Variants in SRPK2 observed in about 807,000 individuals in gnomAD.
SRPK2 encodes SRSF protein kinase 2.
A neutral mutation model predicts 90.8 loss-of-function variants in SRPK2; 21 were observed. The observed-to-expected ratio is 0.23, with a 90% confidence interval of 0.16 to 0.33. SRPK2 has a LOEUF of 0.33. SRPK2 is among the 10% of genes least tolerant of loss of function. The probability of loss-of-function intolerance (pLI) is 1.00; values close to 1 mark genes in which losing one functional copy is unlikely to be tolerated. For synonymous variants in SRPK2, 288 were observed against 311.1 expected, an observed-to-expected ratio of 0.93 and a Z score of 0.78; for missense variants, 620 against 869.0, an observed-to-expected ratio of 0.71 and a Z score of 3.60.
At chr7:105,176,668 T>C (rs913885413) in intron 3 of SRPK2, among the ~76,000 whole-genome samples, 2 of 150,996 alleles carry the variant, frequency 1.3e-5, no homozygotes, top group Non-Finnish European at 2.9e-5. Flanking sequence ...TACATATATA[T>C]AGATGTATGC....
At chr7:105,211,326 T>C (rs1028740459) in intron 2 of SRPK2, among the ~76,000 whole-genome samples, 6 of 152,160 alleles carry the variant, frequency 3.9e-5, no homozygotes, top group South Asian at 2.1e-4. Flanking sequence ...CTTTTGGGAA[T>C]AGGAGTATCT....
chr7:105,146,382 T>C, intron 8 of SRPK2, 111 bp downstream of exon 8: 1 of 1,136,034 alleles, frequency 8.8e-7, no homozygotes, highest in South Asian at 1.8e-5. Flanking sequence ...CAATTAAACT[T>C]TTCCAAAATC....
In SRPK2 at chr7:105,134,171, C is replaced by T. The variant is rs188424245; in HGVS notation, c.1544-1067G>A. 1.4e-3 allele frequency among the ~76,000 whole-genome samples: 220 copies of T among 152,214 alleles called. 2 individuals are homozygous for T. The highest frequency in any genetic ancestry group is 1.0e-4 in the Non-Finnish European group (7 of 68,006). ...TAGAACATTAAACACTGATATGATT[C>T]GGGTTTGTGTCCCTGCCCATAACTC... On this transcript the variant is annotated intron_variant, in intron 11 of 15. Transcript: ENST00000393651.
intron 2 of SRPK2, among the ~76,000 whole-genome samples, chr7:105,379,154 A>AT (rs1176256231): frequency 1.3e-5 from 2 of 150,088 alleles, no homozygotes; most frequent in Non-Finnish European, 3.0e-5. Context: ...TCTCTAAAAA[A>AT]AAATATATAT....
chr7:105,369,567 C>T (rs1049856490), intron 2 of SRPK2, among the ~76,000 whole-genome samples: 6 of 152,104 alleles, frequency 3.9e-5, no homozygotes, highest in East Asian at 1.9e-4. Flanking sequence ...CAGCTATACA[C>T]GATGTATTTC....
chr7:105,214,275 GTAGTAAGGTTAGCTGAAAAAGAGTT>G (rs1335750739), intron 2 of SRPK2, among the ~76,000 whole-genome samples: 3 of 152,284 alleles, frequency 2.0e-5, no homozygotes, highest in South Asian at 2.1e-4. Context: ...TTTTTAATAA[GTAGTAAGGTTAGCTGAAAAAGAGTT>G]TAGAACATTT....
chr7:105,126,983 C>A lies in SRPK2; in HGVS notation c.1822+10G>T. 6.2e-7 allele frequency: 1 copy of A among 1,614,002 alleles called. No individual in the cohort carries two copies. The highest frequency in any genetic ancestry group is 8.5e-7 in the Non-Finnish European group (1 of 1,179,904). On this transcript the variant is annotated intron_variant, in intron 14 of 15. Transcript: ENST00000393651. ...CTAGACCGAGGTATTCAGCAGGCAC[C>A]AATACTCACCTTCGTCTCTGGAATA...
At chr7:105,215,802 G>A (rs1797389808) in intron 2 of SRPK2, among the ~76,000 whole-genome samples, 1 of 152,080 alleles carries the variant, frequency 6.6e-6, no homozygotes. Context: ...AGAAACAGAA[G>A]GTAGATCAGT....
intron 3 of SRPK2, among the ~76,000 whole-genome samples, chr7:105,186,693 C>T (rs890723078): frequency 2.6e-5 from 4 of 152,110 alleles, no homozygotes; most frequent in African/African-American, 4.8e-5. Context: ...ACTGAATGAG[C>T]GTCTGATGTG....
intron 2 of SRPK2, among the ~76,000 whole-genome samples, chr7:105,270,635 C>T (rs957297018): frequency 2.6e-5 from 4 of 151,922 alleles, no homozygotes. Context: ...TCTTGAACTC[C>T]TGACCTCAGA....
intron 2 of SRPK2, among the ~76,000 whole-genome samples, chr7:105,306,024 C>A (rs1425521100): frequency 6.6e-6 from 1 of 152,170 alleles, no homozygotes; most frequent in East Asian, 1.9e-4. Flanking sequence ...AAACTAAATG[C>A]CTTCAGCTTA....
chr7:105,275,347 T>C (rs1026445021), intron 2 of SRPK2, among the ~76,000 whole-genome samples: 2 of 152,212 alleles, frequency 1.3e-5, no homozygotes, highest in African/African-American at 4.8e-5. Context: ...ACTTTCTTGA[T>C]TGAAACAACT....
chr7:105,349,471 G>A (rs1205653347), intron 2 of SRPK2, among the ~76,000 whole-genome samples: 2 of 142,180 alleles, frequency 1.4e-5, no homozygotes, highest in South Asian at 4.5e-4. Context: ...GCAGTGAGCC[G>A]AGATCACACC....
chr7:105,390,874 T>G (rs1822162370), upstream of SRPK2, among the ~76,000 whole-genome samples: 1 of 152,188 alleles, frequency 6.6e-6, no homozygotes, highest in South Asian at 2.1e-4. Context: ...TAGATTCAAG[T>G]TAAACAATTT....
chr7:105,260,907 C>T (rs1315886550), intron 2 of SRPK2, among the ~76,000 whole-genome samples: 2 of 150,264 alleles, frequency 1.3e-5, no homozygotes, highest in Admixed American at 1.3e-4. Context: ...GGGGGAGGGA[C>T]AGCATTAGCA....
At chr7:105,379,190 A>G (rs1419408157) in intron 2 of SRPK2, among the ~76,000 whole-genome samples, 8 of 151,858 alleles carry the variant, frequency 5.3e-5, no homozygotes, top group Admixed American at 5.2e-4. Flanking sequence ...GCCCTCTGAA[A>G]CTGTGGACTC....
At chr7:105,198,776 G>A (rs1476807682) in intron 3 of SRPK2, among the ~76,000 whole-genome samples, 2 of 152,088 alleles carry the variant, frequency 1.3e-5, no homozygotes, top group African/African-American at 4.8e-5. Context: ...AAAATCTTAG[G>A]TATTAACATT....
Position 105,117,878 on chromosome 7 carries a change from G to A in SRPK2, c.2060C>T (p.Ser687Leu), listed in dbSNP as rs1799783714. 1.2e-6 allele frequency: 2 copies of A among 1,613,340 alleles called. No homozygotes were observed. The highest frequency in any genetic ancestry group is 1.7e-5 in the Admixed American group (1 of 60,018). ...MLEMVPEKRA[S>L]AGECLRHPWL... ...AGGATGCCGAAGGCATTCGCCAGCT[G>A]AGGCTCGTTTTTCTGGAACCATTTC... The change falls in exon 16 of 16, where the codon TCA (serine) becomes TTA (leucine). Residue 687 changes from serine (S) to leucine (L), a missense_variant. Transcript: ENST00000393651.
At chr7:105,240,134 C>A (rs1295721599) in intron 2 of SRPK2, among the ~76,000 whole-genome samples, 1 of 152,154 alleles carries the variant, frequency 6.6e-6, no homozygotes. Flanking sequence ...AATGTGCCGA[C>A]AGACTGATTC....
Sources: gnomAD v4.1 joint callset for allele counts (sites outside exome capture counted in the v4.1 genomes callset) on GRCh38, gnomAD v4.1.1 for gene constraint, MANE v1.5 for transcripts, NCBI Gene and HGNC (gene_info 2026-07-23, HGNC 2026-07-21) for gene names.